The following SP3 variants were observed in gnomAD, a reference collection of about 807,000 sequenced individuals.
The protein encoded by SP3 is Sp3 transcription factor.
SP3 carries 10 observed loss-of-function variants against 70.3 expected under a neutral mutation model. The ratio of observed to expected loss-of-function variants is 0.14; its 90% CI spans 0.09 to 0.24. The LOEUF is 0.24. Among genes scored for constraint, SP3 ranks in the 10% least tolerant of loss-of-function variants. The pLI is 1.00. For synonymous variants in SP3, 402 were observed against 333.5 expected (o/e 1.21, Z -2.24); for missense variants, 825 against 914.6 (o/e 0.90, Z 1.26).
At position 173,918,757 on chromosome 2, in the gene SP3, A is replaced by T; in HGVS notation, c.1668T>A (p.Asp556Glu). The change falls in exon 5 of 7, where the codon GAT (aspartate) becomes GAA (glutamate). Residue 556 changes from aspartate (D) to glutamate (E), a missense_variant. By Grantham distance (45) the Asp-to-Glu change is conservative. Coordinates refer to ENST00000310015, the MANE Select transcript of SP3 (RefSeq NM_003111.5). ...CACCACTGAGCTGCCACTCTTCAGG[A>T]TCAGGTTCTTCTTCCTTGATCCTAA... Reference protein sequence around the residue: ...ADIRIKEEEPDPEEWQLSGDS... With the variant: ...ADIRIKEEEPEPEEWQLSGDS... 1.2e-6 allele frequency: 2 copies of T among 1,613,176 alleles called. No individual in the cohort carries two copies. Among genetic ancestry groups the T allele is most frequent in the Non-Finnish European group, 1.7e-6 (2 of 1,179,498 alleles).
chr2:173,939,041 CA>C (rs1690289108), intron 4 of SP3, among the ~76,000 whole-genome samples: 1 of 152,110 alleles, frequency 6.6e-6, no homozygotes, highest in Non-Finnish European at 1.5e-5. Flanking sequence ...AGCCCCAAAA[CA>C]AAGAATCATC....
At chr2:173,933,896 C>A (rs1019426782) in intron 4 of SP3, among the ~76,000 whole-genome samples, 4 of 151,802 alleles carry the variant, frequency 2.6e-5, no homozygotes, top group African/African-American at 9.7e-5. Flanking sequence ...ACATCATTTG[C>A]CCTTCAACGA....
rs1454952091 is a variant in SP3 at position 173,965,360 on chromosome 2, G to A, written c.-189C>T. 3 of 644,580 alleles carry A rather than the reference G, an allele frequency of 4.7e-6. No individual in the cohort carries two copies. The highest frequency in any genetic ancestry group is 8.0e-6 in the Non-Finnish European group (3 of 376,890). The allele number at this position is 644,580 out of a possible 1,614,324, so 39.9% of individuals were successfully genotyped here. A position where few individuals can be genotyped will look rare whatever the true frequency, so the allele number is the denominator to read the frequency against. On this transcript the variant is annotated 5_prime_UTR_variant, in exon 1 of 7. Transcript: ENST00000310015. Reference sequence around the variant, plus strand: ...AGGTGGAGCCTCCAGCCCAAAAGGGGGGAAGAGGGTGACAGCCCGCCCGGA... The same window carrying A: ...AGGTGGAGCCTCCAGCCCAAAAGGGAGGAAGAGGGTGACAGCCCGCCCGGA...
intron 4 of SP3, among the ~76,000 whole-genome samples, chr2:173,922,404 T>C (rs1393152714): frequency 6.6e-6 from 1 of 151,874 alleles, no homozygotes; most frequent in Non-Finnish European, 1.5e-5. Context: ...AGGGGCCTAT[T>C]TTGAAATATG....
chr2:173,921,986 T>C (rs923509371), intron 4 of SP3, among the ~76,000 whole-genome samples: 1 of 152,160 alleles, frequency 6.6e-6, no homozygotes, highest in African/African-American at 2.4e-5. Context: ...GAGTAAAAGC[T>C]TCTTGAGGCC....
intron 3 of SP3, among the ~76,000 whole-genome samples, chr2:173,962,294 GAA>G (rs2105507451): frequency 6.6e-6 from 1 of 152,260 alleles, no homozygotes; most frequent in Admixed American, 6.5e-5. Flanking sequence ...ACAGTTACAA[GAA>G]AAGTTTTGTT....
rs1689436150 is a variant in SP3, at chr2:173,910,066, G to C, written c.2221C>G (p.Gln741Glu). The change falls in exon 7 of 7, where the codon CAA becomes GAA. Residue 741 changes from glutamine (Q) to glutamate (E), a missense_variant. Gln to Glu is a conservative substitution (Grantham distance 29, BLOSUM62 2). This residue lies in a region of SP3 where 91 missense variants were observed against 97.4 expected (regional missense o/e 0.93). Coordinates refer to ENST00000310015, the MANE Select transcript of SP3 (RefSeq NM_003111.5). ...CCTATCCCTGAAACAGAACCTTGTT[G>C]AATATTTGCAAGGATAAGCGTTGTT... ...GGTTLILANI[Q>E]QGSVSGIGTV... 6 of 1,612,698 alleles carry C rather than the reference G, an allele frequency of 3.7e-6. No homozygotes were observed. Among genetic ancestry groups the C allele is most frequent in the Non-Finnish European group, 5.1e-6 (6 of 1,179,470 alleles).
chr2:173,911,233 T>C (rs1317302160), intron 6 of SP3, among the ~76,000 whole-genome samples: 1 of 152,004 alleles, frequency 6.6e-6, no homozygotes, highest in African/African-American at 2.4e-5. Flanking sequence ...TTAAGTGATA[T>C]GGAAATGCAA....
In SP3 at chr2:173,963,927, G is replaced by A. The variant is rs780853684; in HGVS notation, c.157-44C>T. ...TTCAGAGAGGGAGACAGGGGGAGGG[G>A]GTGGCGGTTAGGGTCGGGCCGCCTT... On this transcript the variant is annotated intron_variant, in intron 2 of 6. Coordinates refer to ENST00000310015, the MANE Select transcript of SP3 (RefSeq NM_003111.5). The A allele has an allele frequency of 1.4e-5, 19 of 1,372,252 alleles. No individual in the cohort carries two copies. In the East Asian group the frequency reaches 2.5e-4, roughly 18 times the overall value. The allele number at this position is 1,372,252 out of a possible 1,614,324, so 85.0% of individuals were successfully genotyped here. A position where few individuals can be genotyped will look rare whatever the true frequency, so the allele number is the denominator to read the frequency against.
At chr2:173,923,993 T>C (rs576181212) in intron 4 of SP3, among the ~76,000 whole-genome samples, 61 of 152,154 alleles carry the variant, frequency 4.0e-4, no homozygotes, top group Non-Finnish European at 7.1e-4. Context: ...TAGATATGAG[T>C]TCCTAAAAAT....
intron 6 of SP3, among the ~76,000 whole-genome samples, chr2:173,911,813 C>CTTTTTTTTTT: frequency 1.0e-5 from 1 of 98,024 alleles, no homozygotes; most frequent in Non-Finnish European, 1.9e-5. Context: ...TTTTATCTAC[C>CTTTTTTTTTT]TTTTTTTTTT....
chr2:173,948,746 T>G (rs543110539), intron 4 of SP3, among the ~76,000 whole-genome samples: 1 of 150,854 alleles, frequency 6.6e-6, no homozygotes, highest in African/African-American at 2.4e-5. Context: ...AAATCAACTT[T>G]AAGTACAGAA....
intron 4 of SP3, among the ~76,000 whole-genome samples, chr2:173,927,829 A>G (rs1289466644): frequency 6.6e-6 from 1 of 152,218 alleles, no homozygotes; most frequent in Non-Finnish European, 1.5e-5. Context: ...GATATCTTGA[A>G]CAAAAATTTC....
rs1338019232 is a variant in SP3 at position 173,905,481 on chromosome 2, G to A, written c.*4460C>T. Among the ~76,000 whole-genome samples, 1 of 152,006 alleles carries A rather than the reference G, an allele frequency of 6.6e-6. No individual in the cohort carries two copies. The highest frequency in any genetic ancestry group is 1.5e-5 in the Non-Finnish European group (1 of 68,002). On this transcript the variant is annotated 3_prime_UTR_variant, in exon 7 of 7. Transcript: ENST00000310015. ...ATAGATTCAGAAGCAAGAGTTAAAA[G>A]GTGAAAAATGGGGAAAAGGACTGAA...
intron 5 of SP3, chr2:173,916,424 A>G (rs1271629660): frequency 6.6e-6 from 1 of 152,044 alleles, no homozygotes; most frequent in Non-Finnish European, 1.5e-5. Flanking sequence ...AATGCATTCT[A>G]CAAACCACTG....
At chr2:173,959,464 G>A (rs188744736) in intron 3 of SP3, among the ~76,000 whole-genome samples, 2 of 152,142 alleles carry the variant, frequency 1.3e-5, no homozygotes, top group South Asian at 2.1e-4. Flanking sequence ...GGTGGCTCAC[G>A]CCTGTAATCC....
In SP3 at chr2:173,965,351, C is replaced by T. The variant is rs1360785651; in HGVS notation, c.-180G>A. On this transcript the variant is annotated 5_prime_UTR_variant, in exon 1 of 7. Transcript: ENST00000310015. ...AAACACAAAAGGTGGAGCCTCCAGC[C>T]CAAAAGGGGGGAAGAGGGTGACAGC... 1.5e-6 allele frequency: 1 copy of T among 686,546 alleles called. No homozygotes were observed. Among genetic ancestry groups the T allele is most frequent in the African/African-American group, 1.9e-5 (1 of 53,094 alleles). 42.5% of individuals were successfully genotyped at this position (686,546 alleles called of 1,614,324 possible).
intron 4 of SP3, among the ~76,000 whole-genome samples, chr2:173,931,577 C>T (rs895682738): frequency 2.6e-5 from 4 of 151,976 alleles, no homozygotes; most frequent in East Asian, 1.9e-4. Flanking sequence ...CTCCTGACCA[C>T]GTGATCCTCC....
chr2:173,957,096 TAAAC>T (rs1253012366), intron 3 of SP3, among the ~76,000 whole-genome samples: 4 of 152,130 alleles, frequency 2.6e-5, no homozygotes, highest in South Asian at 2.1e-4. Flanking sequence ...GCAAATATGA[TAAAC>T]AAAAAAATCT....
Sources: allele counts gnomAD v4.1 joint callset (sites outside exome capture counted in the v4.1 genomes callset), GRCh38; gene constraint gnomAD v4.1.1; regional missense constraint gnomAD v4.1.1; transcripts MANE v1.5; gene names NCBI Gene and HGNC (gene_info 2026-07-23, HGNC 2026-07-21).